Variants in DMD observed in about 807,000 individuals in gnomAD.
DMD encodes dystrophin, also known as mutant dystrophin.
Under a neutral mutation model 330.1 loss-of-function variants are expected in DMD, and 63 were observed. The observed-to-expected ratio is 0.19, with a 90% CI of 0.16 to 0.24. The LOEUF is 0.24. Among genes scored for constraint, DMD ranks in the 10% least tolerant of loss-of-function variants. DMD has a pLI of 1.00. For missense variants in DMD, 3,344 were observed against 2,684.1 expected (o/e 1.25, Z -5.43); for synonymous variants, 1,223 against 959.8 (o/e 1.27, Z -5.07).
At chrX:31,550,886 G>T (rs754691034) in intron 55 of DMD, among the ~76,000 whole-genome samples, 2 of 111,899 alleles carry the variant, frequency 1.8e-5, no homozygotes, top group Admixed American at 1.9e-4. Flanking sequence ...AAACAATCCA[G>T]AGTTCTTTAT....
At chrX:31,650,156 T>C (rs1254440186) in intron 54 of DMD, among the ~76,000 whole-genome samples, 1 of 104,296 alleles carries the variant, frequency 9.6e-6, no homozygotes, top group Admixed American at 1.0e-4. Context: ...TATCTCACTA[T>C]GTTGCCCAGG....
chrX:32,587,825 A>G (rs1219574747), intron 13 of DMD, among the ~76,000 whole-genome samples: 2 of 111,895 alleles, frequency 1.8e-5, no homozygotes, highest in Non-Finnish European at 3.8e-5. Context: ...TAATATTATT[A>G]TTGCTTACTA....
chrX:32,272,938 T>C (rs1311807327), intron 43 of DMD, among the ~76,000 whole-genome samples: 1 of 111,913 alleles, frequency 8.9e-6, no homozygotes, highest in Admixed American at 9.5e-5. Flanking sequence ...GTAACTTATA[T>C]AACTTAGGAT....
At chrX:31,577,810 A>C (rs904207348) in intron 55 of DMD, among the ~76,000 whole-genome samples, 1 of 111,770 alleles carries the variant, frequency 8.9e-6, no homozygotes, top group South Asian at 3.8e-4. Context: ...TTCAAACTAC[A>C]TGGATTCCCT....
chrX:31,314,180 G>A (rs1233180644), intron 62 of DMD, among the ~76,000 whole-genome samples: 1 of 111,783 alleles, frequency 8.9e-6, no homozygotes, highest in Non-Finnish European at 1.9e-5. Context: ...AGTGTTACAA[G>A]GATTAAATGG....
intron 11 of DMD, among the ~76,000 whole-genome samples, chrX:32,626,900 C>T (rs770066859): frequency 3.8e-5 from 4 of 104,722 alleles, no homozygotes; most frequent in South Asian, 7.6e-4. Flanking sequence ...TGTTTAAGTC[C>T]GGCTTTTATT....
intron 41 of DMD, among the ~76,000 whole-genome samples, chrX:32,337,064 GGAA>G (rs755370700): frequency 9.0e-6 from 1 of 111,333 alleles, no homozygotes; most frequent in South Asian, 3.8e-4. Flanking sequence ...GGGAAAGACT[GGAA>G]GAAGAGGTTA....
chrX:32,915,199 C>A (rs1179305468), intron 2 of DMD, among the ~76,000 whole-genome samples: 1 of 111,896 alleles, frequency 8.9e-6, no homozygotes, highest in Non-Finnish European at 1.9e-5. Context: ...TCATTGCCAA[C>A]TTTCTAGTCC....
Position 31,350,630 on chromosome X carries a change from T to TGA in DMD, c.9085-1997_9085-1996insTC, listed in dbSNP as rs1332478029. ...GTGTGTGTGTGTGTGTGTGTGTGTG[T>TGA]GTGAGAGAGAGAGAGAGAGAGAGAG... On this transcript the variant is annotated intron_variant, in intron 60 of 78. Coordinates refer to ENST00000357033, the MANE Select transcript of DMD (RefSeq NM_004006.3). Among the ~76,000 whole-genome samples, 340 of 47,451 alleles carry TGA rather than the reference T, an allele frequency of 7.2e-3. 1 individual carries two copies. The highest frequency in any genetic ancestry group is 0.018 in the South Asian group (13 of 730). 41.2% of individuals were successfully genotyped at this position (47,451 alleles called of 115,157 possible).
At chrX:31,404,034 C>T (rs1238103966) in intron 60 of DMD, among the ~76,000 whole-genome samples, 1 of 110,316 alleles carries the variant, frequency 9.1e-6, no homozygotes, top group Admixed American at 9.8e-5. Flanking sequence ...CTACCCCCAG[C>T]CTTCTTCACT....
At chrX:31,552,665 C>T (rs1383205432) in intron 55 of DMD, among the ~76,000 whole-genome samples, 9 of 112,001 alleles carry the variant, frequency 8.0e-5, no homozygotes, top group African/African-American at 2.9e-4. Flanking sequence ...ATATTCAGAA[C>T]ATTTCAGTGG....
Position 31,507,321 on chromosome X carries a change from A to G in DMD, c.8350T>C (p.Phe2784Leu), listed in dbSNP as rs775998762. 4.1e-6 allele frequency: 5 copies of G among 1,211,611 alleles called. No homozygotes were observed. The Admixed American group carries it at 8.7e-5, about 21-fold the overall frequency. Reference sequence around the variant, plus strand: ...TTTTTCCGAAGTTCACTCCACTTGAAGTTCATGTTATCCAAACGTCTTTGT... The same window carrying G: ...TTTTTCCGAAGTTCACTCCACTTGAGGTTCATGTTATCCAAACGTCTTTGT... ...LLQRRLDNMN[F>L]KWSELRKKSL... The change falls in exon 56 of 79, where the codon TTC (phenylalanine) becomes CTC (leucine). Residue 2784 changes from phenylalanine to leucine, a missense_variant. Coordinates refer to ENST00000357033, the MANE Select transcript of DMD (RefSeq NM_004006.3).
intron 44 of DMD, among the ~76,000 whole-genome samples, chrX:32,016,359 TC>T (rs1339853188): frequency 9.0e-6 from 1 of 111,615 alleles, no homozygotes; most frequent in African/African-American, 3.3e-5. Flanking sequence ...CCGAGTGAAG[TC>T]TTTCTCAAAT....
At chrX:32,402,055 G>A (rs73463866) in intron 30 of DMD, among the ~76,000 whole-genome samples, 2,816 of 111,674 alleles carry the variant, frequency 0.025, 92 homozygotes, top group African/African-American at 0.079. Flanking sequence ...ATCAGCTTCA[G>A]TAAAAATGCT....
chrX:32,613,388 C>T (rs1037322842), intron 12 of DMD, among the ~76,000 whole-genome samples: 2 of 109,730 alleles, frequency 1.8e-5, no homozygotes, highest in Non-Finnish European at 3.8e-5. Context: ...AAATAAAGCA[C>T]CCTCATAATT....
At chrX:31,302,182 A>G (rs192151423) in intron 62 of DMD, among the ~76,000 whole-genome samples, 48 of 111,982 alleles carry the variant, frequency 4.3e-4, no homozygotes, top group African/African-American at 1.5e-3. Flanking sequence ...CTCAGTATCT[A>G]TTACGCTATC....
At chrX:32,177,903 T>G (rs146218861) in intron 44 of DMD, among the ~76,000 whole-genome samples, 66 of 111,004 alleles carry the variant, frequency 5.9e-4, no homozygotes, top group African/African-American at 2.0e-3. Flanking sequence ...TATAAATGCT[T>G]TGAGAAATAT....
At position 32,382,265 on chromosome X, in the gene DMD, T is replaced by C. The variant is rs947100069; in HGVS notation, c.4675-1585A>G. Among the ~76,000 whole-genome samples, 48 of 111,619 alleles carry C rather than the reference T, an allele frequency of 4.3e-4. 1 individual carries two copies. Among genetic ancestry groups the C allele is most frequent in the African/African-American group, 1.5e-3 (46 of 30,825 alleles). On this transcript the variant is annotated intron_variant, in intron 33 of 78. Coordinates refer to ENST00000357033, the MANE Select transcript of DMD (RefSeq NM_004006.3). ...TAATTTCAATTGTAATGGAATTGGTTAAAACAATACCACCACCACAAGTGC... is the reference window on the plus strand; with the variant it reads ...TAATTTCAATTGTAATGGAATTGGTCAAAACAATACCACCACCACAAGTGC...
intron 44 of DMD, among the ~76,000 whole-genome samples, chrX:32,058,541 C>T (rs1234807285): frequency 9.8e-6 from 1 of 102,518 alleles, no homozygotes; most frequent in African/African-American, 3.6e-5. Context: ...TGATATACTA[C>T]CTCACGGATT....
Sources: allele counts gnomAD v4.1 joint callset (sites outside exome capture counted in the v4.1 genomes callset), GRCh38; gene constraint gnomAD v4.1.1; transcripts MANE v1.5; gene names NCBI Gene and HGNC (gene_info 2026-07-23, HGNC 2026-07-21).